Variants in TAS2R1 observed in about 807,000 individuals in gnomAD.
TAS2R1 encodes taste 2 receptor member 1.
For missense variants in TAS2R1, 370 were observed against 353.4 expected (o/e 1.05, Z -0.38); for synonymous variants, 141 against 134.2 (o/e 1.05, Z -0.35).
chr5:9,829,164 A>C, the TAS2R1 span, among the ~76,000 whole-genome samples: 2 of 152,360 alleles, frequency 1.3e-5, no homozygotes, highest in South Asian at 4.1e-4. Flanking sequence ...CTAGGGAGAA[A>C]AATTACGGCA....
the TAS2R1 span, among the ~76,000 whole-genome samples, chr5:9,757,768 C>T: frequency 1.3e-5 from 2 of 152,074 alleles, no homozygotes; most frequent in African/African-American, 2.4e-5. Context: ...AACATAATTA[C>T]CACTGATAGA....
the TAS2R1 span, among the ~76,000 whole-genome samples, chr5:9,788,228 G>C: frequency 1.3e-5 from 2 of 152,170 alleles, no homozygotes; most frequent in Non-Finnish European, 1.5e-5. Context: ...GCTTAAATTC[G>C]AGTTCTCTGC....
chr5:9,840,225 A>G, the TAS2R1 span, among the ~76,000 whole-genome samples: 1 of 152,142 alleles, frequency 6.6e-6, no homozygotes, highest in East Asian at 1.9e-4. Flanking sequence ...CTCTTCTTCA[A>G]TTTACCACGA....
At chr5:9,761,814 T>A in the TAS2R1 span, among the ~76,000 whole-genome samples, 1 of 152,196 alleles carries the variant, frequency 6.6e-6, no homozygotes, top group Non-Finnish European at 1.5e-5. Flanking sequence ...TCAGACCACA[T>A]CTTAGCCTGG....
intron 1 of TAS2R1, among the ~76,000 whole-genome samples, chr5:9,699,572 G>A (rs1741434840): frequency 1.3e-5 from 2 of 151,516 alleles, no homozygotes; most frequent in Non-Finnish European, 2.9e-5. Flanking sequence ...TTTTTTTCTG[G>A]CATCTAAACT....
At chr5:9,813,402 A>G in the TAS2R1 span, among the ~76,000 whole-genome samples, 5 of 152,278 alleles carry the variant, frequency 3.3e-5, no homozygotes, top group African/African-American at 9.6e-5. Flanking sequence ...TCGAGGTCAT[A>G]ACTCTAGAAA....
chr5:9,824,006 G>C, the TAS2R1 span, among the ~76,000 whole-genome samples: 1 of 152,200 alleles, frequency 6.6e-6, no homozygotes, highest in Non-Finnish European at 1.5e-5. Flanking sequence ...GGGGAGGAAA[G>C]TGTTGCCCGC....
At chr5:9,708,617 G>A (rs1344859192) in intron 1 of TAS2R1, among the ~76,000 whole-genome samples, 2 of 150,054 alleles carry the variant, frequency 1.3e-5, no homozygotes, top group Non-Finnish European at 3.0e-5. Context: ...TTTCTTTTCA[G>A]TCCTCATGAC....
chr5:9,699,700 G>A (rs1169488266), intron 1 of TAS2R1, among the ~76,000 whole-genome samples: 1 of 152,156 alleles, frequency 6.6e-6, no homozygotes, highest in Admixed American at 6.5e-5. Flanking sequence ...GGAACCTGAT[G>A]AGTTGAAAGC....
chr5:9,774,304 C>T, the TAS2R1 span, among the ~76,000 whole-genome samples: 6 of 152,152 alleles, frequency 3.9e-5, no homozygotes, highest in East Asian at 1.9e-4. Flanking sequence ...TAGGTTTATC[C>T]GATGGAATTC....
At chr5:9,659,702 T>C (rs900533839) in intron 1 of TAS2R1, 6 of 152,126 alleles carry the variant, frequency 3.9e-5, no homozygotes, top group African/African-American at 1.2e-4. Flanking sequence ...AGATTATCAC[T>C]TTATTACTGG....
chr5:9,676,632 A>C (rs1372551210), intron 1 of TAS2R1, among the ~76,000 whole-genome samples: 2 of 152,194 alleles, frequency 1.3e-5, no homozygotes, highest in Non-Finnish European at 2.9e-5. Context: ...TCCAAATATA[A>C]AATGCAATAC....
At position 9,696,476 on chromosome 5, in the gene TAS2R1, C is replaced by T. The variant is rs545651514; in HGVS notation, c.-242+15696G>A. Among the ~76,000 whole-genome samples the T allele has an allele frequency of 2.7e-5, 4 of 150,836 alleles. No individual in the cohort carries two copies. In the South Asian group the frequency reaches 6.3e-4, roughly 24 times the overall value. On this transcript the variant is annotated intron_variant, in intron 1 of 2. Transcript: ENST00000506620. ...ACTTGGGAGGTTGAGGCAGGAGAATCGCTTGAACCCAGAAGGCACAGGTTG... is the reference window on the plus strand; with the variant it reads ...ACTTGGGAGGTTGAGGCAGGAGAATTGCTTGAACCCAGAAGGCACAGGTTG...
intron 1 of TAS2R1, among the ~76,000 whole-genome samples, chr5:9,676,452 C>G (rs537413681): frequency 1.3e-5 from 2 of 152,126 alleles, no homozygotes; most frequent in Non-Finnish European, 2.9e-5. Flanking sequence ...AATAGACCTA[C>G]ACAAAATATT....
chr5:9,753,169 T>G, the TAS2R1 span, among the ~76,000 whole-genome samples: 1 of 152,232 alleles, frequency 6.6e-6, no homozygotes, highest in Non-Finnish European at 1.5e-5. Flanking sequence ...CCACCAACAG[T>G]GTAAAATTGT....
the TAS2R1 span, among the ~76,000 whole-genome samples, chr5:9,834,334 C>T: frequency 1.4e-4 from 21 of 152,328 alleles, no homozygotes; most frequent in East Asian, 9.6e-4. Context: ...AAGTGACCCC[C>T]AATTGAGTTA....
chr5:9,881,001 G>A, the TAS2R1 span, among the ~76,000 whole-genome samples: 3 of 152,088 alleles, frequency 2.0e-5, no homozygotes, highest in Non-Finnish European at 4.4e-5. Flanking sequence ...GGAGGAGGAG[G>A]AGCCACAGTC....
the TAS2R1 span, among the ~76,000 whole-genome samples, chr5:9,726,660 C>T: frequency 2.0e-5 from 3 of 152,166 alleles, no homozygotes; most frequent in East Asian, 1.9e-4. Context: ...AAACTCCAGA[C>T]GCGCCACCTT....
the TAS2R1 span, among the ~76,000 whole-genome samples, chr5:9,860,465 T>A: frequency 0.017 from 2,566 of 152,168 alleles, 65 homozygotes; most frequent in African/African-American, 0.056. Context: ...CACCAAATAA[T>A]AAGACAAAAC....
Sources: gnomAD v4.1 joint callset for allele counts (sites outside exome capture counted in the v4.1 genomes callset) on GRCh38, gnomAD v4.1.1 for gene constraint, MANE v1.5 for transcripts, NCBI Gene and HGNC (gene_info 2026-07-23, HGNC 2026-07-21) for gene names.